TBC1D1: variants seen among roughly 807,000 people sequenced by gnomAD.
The protein encoded by TBC1D1 is TBC1 domain family member 1, also known as TBC1 (tre-2/USP6, BUB2, cdc16) domain family, member 1.
TBC1D1 carries 89 observed loss-of-function variants against 125.6 expected under a neutral mutation model. The ratio of observed to expected loss-of-function variants is 0.71; its 90% CI spans 0.60 to 0.85. The LOEUF is 0.85. Among genes scored for constraint, TBC1D1 ranks in the 40% least tolerant of loss-of-function variants. The pLI, the probability that TBC1D1 is intolerant of heterozygous loss-of-function variation, is 0.00. For missense variants in TBC1D1, 1,377 were observed against 1,469.2 expected, an observed-to-expected ratio of 0.94 and a Z score of 1.03; for synonymous variants, 565 against 564.1, an observed-to-expected ratio of 1.00 and a Z score of -0.02.
At chr4:38,074,208 A>G (rs1209359698) in intron 12 of TBC1D1, among the ~76,000 whole-genome samples, 1 of 152,138 alleles carries the variant, frequency 6.6e-6, no homozygotes, top group African/African-American at 2.4e-5. Context: ...CCTCTAACCA[A>G]CCATACTGAA....
At chr4:38,097,363 A>G (rs757883612) in intron 14 of TBC1D1, among the ~76,000 whole-genome samples, 50 of 120,750 alleles carry the variant, frequency 4.1e-4, no homozygotes, top group Non-Finnish European at 7.1e-4. Context: ...TTTTTAAGAC[A>G]GAGTCTTGCT....
At chr4:38,112,222 T>A (rs1762305975) in intron 15 of TBC1D1, 1 of 378,718 alleles carries the variant, frequency 2.6e-6, no homozygotes, top group East Asian at 1.6e-4. Context: ...AGTTCCAAAC[T>A]TTGTGAAAAT....
chr4:37,958,305 A>G (rs10517459), intron 2 of TBC1D1, among the ~76,000 whole-genome samples: 17,043 of 152,234 alleles, frequency 0.11, 1,726 homozygotes, highest in East Asian at 0.43. Flanking sequence ...TAAACACCAG[A>G]TTCCTTAGCT....
At chr4:37,979,739 T>A (rs1733964615) in intron 2 of TBC1D1, among the ~76,000 whole-genome samples, 1 of 152,176 alleles carries the variant, frequency 6.6e-6, no homozygotes, top group African/African-American at 2.4e-5. Flanking sequence ...AAGGGGTGGG[T>A]GTCGGTTGAT....
At chr4:38,066,611 G>A (rs925734959) in intron 12 of TBC1D1, among the ~76,000 whole-genome samples, 1 of 152,174 alleles carries the variant, frequency 6.6e-6, no homozygotes, top group African/African-American at 2.4e-5. Context: ...GGGATTACAG[G>A]TTGTGCCACT....
chr4:38,125,254 CTG>C, intron 18 of TBC1D1, 123 bp downstream of exon 20: 3 of 896,606 alleles, frequency 3.3e-6, no homozygotes, highest in Non-Finnish European at 5.1e-6. Context: ...TGCATGATGC[CTG>C]GCATGGAGGA....
At chr4:38,126,627 C>T (rs1764692321) in intron 18 of TBC1D1, among the ~76,000 whole-genome samples, 2 of 152,222 alleles carry the variant, frequency 1.3e-5, no homozygotes, top group South Asian at 4.1e-4. Flanking sequence ...AGAGCCTCTC[C>T]ATCTCTTTTC....
Position 38,138,975 on chromosome 4 carries a change from T to A in TBC1D1, c.*1640T>A, listed in dbSNP as rs77368662. 3 of 152,608 alleles carry A rather than the reference T, an allele frequency of 2.0e-5. No individual in the cohort carries two copies. The East Asian group carries it at 5.8e-4, about 29-fold the overall frequency. The allele number at this position is 152,608 out of a possible 1,614,324, so 9.5% of individuals were successfully genotyped here. A position where few individuals can be genotyped will look rare whatever the true frequency, so the allele number is the denominator to read the frequency against. On this transcript the variant is annotated 3_prime_UTR_variant, in exon 20 of 20. Transcript: ENST00000261439. Reference sequence around the variant, plus strand: ...TTCCATCATAAACCAAGATGATGAGTTCAGCCTTTATCCCTCGTGGTTCCG... The same window carrying A: ...TTCCATCATAAACCAAGATGATGAGATCAGCCTTTATCCCTCGTGGTTCCG...
chr4:37,963,620 G>A (rs1015638817), intron 2 of TBC1D1, among the ~76,000 whole-genome samples: 1 of 152,200 alleles, frequency 6.6e-6, no homozygotes, highest in Non-Finnish European at 1.5e-5. Flanking sequence ...TCACGCCACT[G>A]CACTCCAGCT....
At chr4:38,040,487 C>T (rs745329907) in intron 8 of TBC1D1, among the ~76,000 whole-genome samples, 1 of 152,142 alleles carries the variant, frequency 6.6e-6, no homozygotes, top group Non-Finnish European at 1.5e-5. Flanking sequence ...CGGGGTTTCA[C>T]TGTGTTGGAT....
chr4:38,096,924 C>T (rs921426279), intron 14 of TBC1D1, among the ~76,000 whole-genome samples: 8 of 151,908 alleles, frequency 5.3e-5, no homozygotes, highest in East Asian at 1.9e-4. Flanking sequence ...GTTTGAGAAC[C>T]GCTATTTTGA....
At chr4:37,975,889 A>T (rs1310275945) in intron 2 of TBC1D1, among the ~76,000 whole-genome samples, 1 of 152,258 alleles carries the variant, frequency 6.6e-6, no homozygotes. Context: ...ATATTTTATT[A>T]TACTGGAACA....
chr4:38,008,242 G>A (rs569167512), intron 2 of TBC1D1, among the ~76,000 whole-genome samples: 19 of 152,228 alleles, frequency 1.2e-4, no homozygotes, highest in Middle Eastern at 3.4e-3. Context: ...AAATAATTTC[G>A]TATCCTTACA....
At chr4:37,950,834 C>G (rs1381641055) in intron 2 of TBC1D1, among the ~76,000 whole-genome samples, 1 of 151,242 alleles carries the variant, frequency 6.6e-6, no homozygotes, top group African/African-American at 2.4e-5. Flanking sequence ...TCTCGACTCA[C>G]TGAAACCCCC....
intron 14 of TBC1D1, among the ~76,000 whole-genome samples, chr4:38,099,662 A>G (rs1396299809): frequency 6.6e-6 from 1 of 152,184 alleles, no homozygotes; most frequent in Admixed American, 6.5e-5. Context: ...AGCTATTTAC[A>G]TGGGGGATGG....
At chr4:38,073,501 G>A (rs1416727215) in intron 12 of TBC1D1, among the ~76,000 whole-genome samples, 1 of 152,096 alleles carries the variant, frequency 6.6e-6, no homozygotes. Flanking sequence ...TGTCCTGGTC[G>A]GCCATTTATG....
chr4:38,032,211 C>T (rs1170060694), intron 7 of TBC1D1, among the ~76,000 whole-genome samples: 3 of 152,022 alleles, frequency 2.0e-5, no homozygotes, highest in East Asian at 1.9e-4. Context: ...CTCAGCTACT[C>T]GGGAGGCTAA....
chr4:37,946,578 A>G (rs1726738771), intron 2 of TBC1D1, among the ~76,000 whole-genome samples: 1 of 152,202 alleles, frequency 6.6e-6, no homozygotes, highest in Admixed American at 6.5e-5. Context: ...TTCCAAAGAG[A>G]AGCTAGATCA....
chr4:38,085,677 G>A (rs1757366433), intron 12 of TBC1D1, among the ~76,000 whole-genome samples: 1 of 152,202 alleles, frequency 6.6e-6, no homozygotes, highest in South Asian at 2.1e-4. Context: ...TGCAAGTCGG[G>A]GAGAGAAGCC....
Sources: gnomAD v4.1 joint callset for allele counts (sites outside exome capture counted in the v4.1 genomes callset) on GRCh38, gnomAD v4.1.1 for gene constraint, MANE v1.5 for transcripts, NCBI Gene and HGNC (gene_info 2026-07-23, HGNC 2026-07-21) for gene names.